The following GRM8 variants were observed in gnomAD, a reference collection of about 807,000 sequenced individuals.
GRM8 encodes the protein glutamate metabotropic receptor 8.
Under a neutral mutation model 87.2 loss-of-function variants are expected in GRM8, and 47 were observed. The ratio of observed to expected loss-of-function variants is 0.54; its 90% CI spans 0.43 to 0.69. The LOEUF (loss-of-function observed/expected upper bound fraction) is 0.69. Among genes scored for constraint, GRM8 ranks in the 30% least tolerant of loss-of-function variants. The pLI is 0.00. For synonymous variants in GRM8, 396 were observed against 404.5 expected (o/e 0.98, Z 0.25); for missense variants, 1,019 against 1,139.2 (o/e 0.89, Z 1.52).
intron 7 of GRM8, among the ~76,000 whole-genome samples, chr7:126,611,901 T>G (rs1034907835): frequency 2.0e-5 from 3 of 152,194 alleles, no homozygotes; most frequent in African/African-American, 7.2e-5. Flanking sequence ...CTTAGATACT[T>G]TGAATATCAT....
chr7:126,810,158 C>G (rs1793154325), intron 6 of GRM8, among the ~76,000 whole-genome samples: 1 of 152,084 alleles, frequency 6.6e-6, no homozygotes, highest in South Asian at 2.1e-4. Context: ...TTAATTGATA[C>G]TGAAGATAAT....
chr7:126,787,789 C>T (rs1361247695), intron 6 of GRM8, among the ~76,000 whole-genome samples: 1 of 151,990 alleles, frequency 6.6e-6, no homozygotes, highest in Non-Finnish European at 1.5e-5. Flanking sequence ...TATTCAATAT[C>T]ATCTTACATA....
intron 7 of GRM8, among the ~76,000 whole-genome samples, chr7:126,738,549 A>C (rs1814511666): frequency 6.6e-6 from 1 of 150,686 alleles, no homozygotes; most frequent in Non-Finnish European, 1.5e-5. Flanking sequence ...GAGTTAATAC[A>C]CCTAATTTTG....
chr7:126,880,010 G>A (rs894083107), intron 6 of GRM8, among the ~76,000 whole-genome samples: 2 of 152,156 alleles, frequency 1.3e-5, no homozygotes, highest in Non-Finnish European at 2.9e-5. Flanking sequence ...AACCTTTCTA[G>A]GAAATGGTGA....
Position 127,003,519 on chromosome 7 carries a change from C to T in GRM8, c.728-98836G>A, listed in dbSNP as rs547120766. On this transcript the variant is annotated intron_variant, in intron 3 of 10. Transcript: ENST00000339582. ...CCACAACAGGAGAAGAAAGGGAGGACATTTTGTGCCAAGAAATTTTTGCAA... is the reference window on the plus strand; with the variant it reads ...CCACAACAGGAGAAGAAAGGGAGGATATTTTGTGCCAAGAAATTTTTGCAA... Among the ~76,000 whole-genome samples the T allele has an allele frequency of 3.0e-4, 45 of 151,756 alleles. 1 individual carries two copies. Among genetic ancestry groups the T allele is most frequent in the African/African-American group, 9.9e-4 (41 of 41,504 alleles).
intron 3 of GRM8, among the ~76,000 whole-genome samples, chr7:126,973,890 T>C (rs1810688187): frequency 6.6e-6 from 1 of 152,154 alleles, no homozygotes; most frequent in Non-Finnish European, 1.5e-5. Flanking sequence ...TTAACTAGGA[T>C]GCACAGGTCC....
At chr7:126,551,381 T>C (rs946309482) in intron 8 of GRM8, among the ~76,000 whole-genome samples, 7 of 152,208 alleles carry the variant, frequency 4.6e-5, no homozygotes, top group African/African-American at 1.7e-4. Context: ...ACTATTCTTG[T>C]TGATAGTTCC....
intron 2 of GRM8, among the ~76,000 whole-genome samples, chr7:127,128,941 G>C (rs1827526928): frequency 6.6e-6 from 1 of 152,128 alleles, no homozygotes; most frequent in Admixed American, 6.5e-5. Flanking sequence ...TTACAACAGG[G>C]AAGAAAACTG....
intron 9 of GRM8, among the ~76,000 whole-genome samples, chr7:126,474,294 G>T (rs1805645711): frequency 6.6e-6 from 1 of 151,640 alleles, no homozygotes; most frequent in South Asian, 2.1e-4. Flanking sequence ...TTGGAGACAG[G>T]GTCTCACTCT....
chr7:126,816,287 G>C (rs1465983492), intron 6 of GRM8, among the ~76,000 whole-genome samples: 1 of 151,962 alleles, frequency 6.6e-6, no homozygotes, highest in Admixed American at 6.6e-5. Flanking sequence ...TCAATATAAG[G>C]CTTTACCACC....
intron 2 of GRM8, among the ~76,000 whole-genome samples, chr7:127,225,809 A>T (rs1797286179): frequency 6.6e-6 from 1 of 151,820 alleles, no homozygotes; most frequent in Admixed American, 6.6e-5. Context: ...AGGAGTCCTG[A>T]ATCCTTCCAG....
intron 8 of GRM8, among the ~76,000 whole-genome samples, chr7:126,542,651 C>G (rs980063273): frequency 6.6e-6 from 1 of 152,206 alleles, no homozygotes; most frequent in African/African-American, 2.4e-5. Flanking sequence ...CAATACAAGA[C>G]AGTCAGTGAC....
intron 8 of GRM8, among the ~76,000 whole-genome samples, chr7:126,561,481 T>C (rs1270001453): frequency 6.6e-6 from 1 of 151,170 alleles, no homozygotes. Flanking sequence ...AAAAAAAAGG[T>C]AGTAAAATAA....
chr7:126,521,461 G>C (rs902221961), intron 9 of GRM8, among the ~76,000 whole-genome samples: 2 of 151,758 alleles, frequency 1.3e-5, no homozygotes, highest in South Asian at 4.2e-4. Flanking sequence ...GATGCTATTT[G>C]ATTGGTTGAA....
intron 7 of GRM8, among the ~76,000 whole-genome samples, chr7:126,668,875 A>G (rs565961147): frequency 2.0e-5 from 3 of 152,248 alleles, no homozygotes; most frequent in African/African-American, 7.2e-5. Context: ...AAAGAGCTCT[A>G]ATTATTATTG....
chr7:126,915,851 T>C (rs1223264765), intron 3 of GRM8, among the ~76,000 whole-genome samples: 1 of 152,152 alleles, frequency 6.6e-6, no homozygotes, highest in South Asian at 2.1e-4. Flanking sequence ...AAAAAGCAAG[T>C]GCAGGATGAG....
intron 3 of GRM8, among the ~76,000 whole-genome samples, chr7:126,948,874 C>A (rs1807836944): frequency 6.6e-6 from 1 of 152,200 alleles, no homozygotes. Flanking sequence ...CTTGGGGGAA[C>A]CCCAGAGACC....
chr7:126,598,288 G>A (rs1284797068), intron 8 of GRM8, among the ~76,000 whole-genome samples: 1 of 151,866 alleles, frequency 6.6e-6, no homozygotes, highest in East Asian at 1.9e-4. Flanking sequence ...TAGACACCCT[G>A]AATACTAGTA....
intron 3 of GRM8, among the ~76,000 whole-genome samples, chr7:126,995,353 C>G (rs1159004237): frequency 1.3e-5 from 2 of 152,190 alleles, no homozygotes; most frequent in Non-Finnish European, 2.9e-5. Flanking sequence ...CCTCACCATA[C>G]AAACTAAATA....
Sources: gnomAD v4.1 joint callset for allele counts (sites outside exome capture counted in the v4.1 genomes callset) on GRCh38, gnomAD v4.1.1 for gene constraint, MANE v1.5 for transcripts, NCBI Gene and HGNC (gene_info 2026-07-23, HGNC 2026-07-21) for gene names.